The following PIK3R1 variants were observed in gnomAD, a reference collection of about 807,000 sequenced individuals.
PIK3R1 encodes phosphatidylinositol 3-kinase regulatory subunit alpha.
In PIK3R1, 29 loss-of-function variants were observed where a neutral mutation model predicts 98.0. That is an observed-to-expected ratio of 0.30 (90% CI 0.22 to 0.40). The LOEUF (loss-of-function observed/expected upper bound fraction) is 0.40. PIK3R1 is among the 10% of genes least tolerant of loss of function. PIK3R1 has a pLI of 1.00. For missense variants in PIK3R1, 596 were observed against 872.7 expected, an observed-to-expected ratio of 0.68 and a Z score of 3.99; for synonymous variants, 282 against 311.8, an observed-to-expected ratio of 0.90 and a Z score of 1.01.
At position 68,297,623 on chromosome 5, in the gene PIK3R1, C is replaced by CTCCTGAAGTTCAGCCACCCTG; in HGVS notation, c.*23_*43dup. 3 of 1,607,380 alleles carry CTCCTGAAGTTCAGCCACCCTG rather than the reference C, an allele frequency of 1.9e-6. No homozygotes were observed. Among genetic ancestry groups the CTCCTGAAGTTCAGCCACCCTG allele is most frequent in the Non-Finnish European group, 2.6e-6 (3 of 1,175,738 alleles). ...ATGAAGCGCTTACTCTTTGATCCTT[C>CTCCTGAAGTTCAGCCACCCTG]TCCTGAAGTTCAGCCACCCTGAGGC... On this transcript the variant is annotated 3_prime_UTR_variant, in exon 16 of 16. Coordinates refer to ENST00000521381, the MANE Select transcript of PIK3R1 (RefSeq NM_181523.3).
intron 14 of PIK3R1, 61 bp downstream of exon 14, chr5:68,295,549 A>G: frequency 2.9e-6 from 4 of 1,391,320 alleles, no homozygotes; most frequent in Non-Finnish European, 4.1e-6. Context: ...AAAATGCATG[A>G]CTTGCTTTGT....
chr5:68,236,643 A>T (rs1423961631), intron 2 of PIK3R1, among the ~76,000 whole-genome samples: 1 of 152,234 alleles, frequency 6.6e-6, no homozygotes, highest in Non-Finnish European at 1.5e-5. Context: ...GTGATGGCAC[A>T]TTGATAAGAT....
At chr5:68,254,291 T>C (rs1399809440) in intron 2 of PIK3R1, among the ~76,000 whole-genome samples, 1 of 152,218 alleles carries the variant, frequency 6.6e-6, no homozygotes, top group Non-Finnish European at 1.5e-5. Context: ...TCAAGCCCCT[T>C]CTCTTGTTCT....
rs531359666 is a variant in PIK3R1, at chr5:68,294,966, T to TA, written c.1569-175dup. On this transcript the variant is annotated intron_variant, in intron 12 of 15. Transcript: ENST00000521381. ...CCTAAAACTTAAAGTATAATAAAAA[T>TA]AAAAAAATAAAATAAAATAAAATAT... 6.9e-5 allele frequency among the ~76,000 whole-genome samples: 4 copies of TA among 57,640 alleles called. No individual in the cohort carries two copies. The East Asian group carries it at 1.9e-3, about 27-fold the overall frequency. The allele number at this position is 57,640 out of a possible 152,430, so 37.8% of individuals were successfully genotyped here.
At chr5:68,232,578 C>T (rs141982145) in intron 2 of PIK3R1, among the ~76,000 whole-genome samples, 2 of 152,258 alleles carry the variant, frequency 1.3e-5, no homozygotes, top group East Asian at 3.9e-4. Context: ...CCTAGAGCTG[C>T]GGTGACAGTT....
intron 7 of PIK3R1, among the ~76,000 whole-genome samples, chr5:68,289,161 C>G (rs554521544): frequency 6.6e-6 from 1 of 152,296 alleles, no homozygotes; most frequent in East Asian, 1.9e-4. Context: ...GCTCGGAGAA[C>G]TTGTCTCCTT....
At chr5:68,291,836 T>C (rs1747410740) in intron 7 of PIK3R1, 1 of 154,836 alleles carries the variant, frequency 6.5e-6, no homozygotes, top group Non-Finnish European at 1.4e-5. Flanking sequence ...AAATTTGTCT[T>C]TCGTAATTAA....
intron 2 of PIK3R1, among the ~76,000 whole-genome samples, chr5:68,228,387 A>C (rs919223697): frequency 2.0e-5 from 3 of 152,170 alleles, no homozygotes; most frequent in Non-Finnish European, 2.9e-5. Context: ...TCTTTCCCAT[A>C]CCCAGCCCAA....
rs1747804379 is a variant in PIK3R1, at chr5:68,297,638, C to T, written c.*37C>T. 6.4e-7 allele frequency: 1 copy of T among 1,573,624 alleles called. No individual in the cohort carries two copies. The highest frequency in any genetic ancestry group is 2.2e-5 in the East Asian group (1 of 44,670). On this transcript the variant is annotated 3_prime_UTR_variant, in exon 16 of 16. Coordinates refer to ENST00000521381, the MANE Select transcript of PIK3R1 (RefSeq NM_181523.3). ...TTTGATCCTTCTCCTGAAGTTCAGC[C>T]ACCCTGAGGCCTCTGGAAAGCAAAG...
At chr5:68,276,886 CTG>C (rs1476858193) in intron 4 of PIK3R1, among the ~76,000 whole-genome samples, 5 of 152,188 alleles carry the variant, frequency 3.3e-5, no homozygotes, top group African/African-American at 1.2e-4. Context: ...GTGCTGGACA[CTG>C]AGGGATGCCA....
rs531318827 is a variant in PIK3R1, at chr5:68,301,342, C to CTATATATATATATATATATATATATA, written c.*3766_*3767insATATATATATATATATATATATATAT. The CTATATATATATATATATATATATATA allele has an allele frequency of 9.4e-5, 5 of 53,226 alleles. No homozygotes were observed. 3.3% of individuals were successfully genotyped at this position (53,226 alleles called of 1,614,324 possible). On this transcript the variant is annotated 3_prime_UTR_variant, in exon 16 of 16. Transcript: ENST00000521381. ...ATAGCATTAGCTGCCCAGGATGCTG[C>CTATATATATATATATATATATATATA]TATATATATATATATATATATATAT...
At chr5:68,236,776 G>C (rs541221086) in intron 2 of PIK3R1, among the ~76,000 whole-genome samples, 1 of 152,102 alleles carries the variant, frequency 6.6e-6, no homozygotes, top group Non-Finnish European at 1.5e-5. Context: ...TTATCTGTTA[G>C]GTTTCACTAG....
At chr5:68,259,485 CAG>C (rs1000828503) in intron 2 of PIK3R1, among the ~76,000 whole-genome samples, 3 of 152,180 alleles carry the variant, frequency 2.0e-5, no homozygotes, top group African/African-American at 7.2e-5. Context: ...ACTATGGAAA[CAG>C]TGTATCTTCT....
At position 68,274,158 on chromosome 5, in the gene PIK3R1, C is replaced by G. The variant is rs1422120086; in HGVS notation, c.502+145C>G. The G allele has an allele frequency of 5.6e-6, 4 of 713,020 alleles. No homozygotes were observed. The African/African-American group carries it at 7.0e-5, about 13-fold the overall frequency. The allele number at this position is 713,020 out of a possible 1,614,324, so 44.2% of individuals were successfully genotyped here. A position where few individuals can be genotyped will look rare whatever the true frequency, so the allele number is the denominator to read the frequency against. On this transcript the variant is annotated intron_variant, in intron 4 of 15. Coordinates refer to ENST00000521381, the MANE Select transcript of PIK3R1 (RefSeq NM_181523.3). ...TCAAATCATGTACAGTTCTCCCTGC[C>G]CTGTTATGGTAACAGTGCAAACCTT...
intron 2 of PIK3R1, among the ~76,000 whole-genome samples, chr5:68,250,453 T>G (rs1362739311): frequency 6.6e-6 from 1 of 152,240 alleles, no homozygotes; most frequent in African/African-American, 2.4e-5. Context: ...ATTATTTCCA[T>G]TGGCCTTGAT....
intron 2 of PIK3R1, among the ~76,000 whole-genome samples, chr5:68,258,678 C>G (rs1030159910): frequency 1.3e-5 from 2 of 152,178 alleles, no homozygotes; most frequent in Non-Finnish European, 2.9e-5. Context: ...GAGAGGTGCA[C>G]AGACACTTTT....
rs147303522 is a variant in PIK3R1 at position 68,280,640 on chromosome 5, G to A, written c.747G>A (p.Lys249=). 5.0e-6 allele frequency: 8 copies of A among 1,613,902 alleles called. No homozygotes were observed. Among genetic ancestry groups the A allele is most frequent in the Non-Finnish European group, 6.8e-6 (8 of 1,179,946 alleles). ...AGTATTTGTTAAAACATTTCTTCAA[G>A]CTCTCTCAAACCTCCAGCAAAAATC... ...TLQYLLKHFF[K]LSQTSSKNLL... is the part of the protein sequence containing the mutation. Residue 249 remains lysine (K), a synonymous_variant, in exon 6 of 16, where the codon AAG becomes AAA. Transcript: ENST00000521381.
chr5:68,287,949 T>C (rs1747147586), intron 7 of PIK3R1, among the ~76,000 whole-genome samples: 1 of 152,196 alleles, frequency 6.6e-6, no homozygotes, highest in African/African-American at 2.4e-5. Flanking sequence ...TCACAAGGGC[T>C]TTCCTGTTAC....
At chr5:68,244,527 C>T (rs866382896) in intron 2 of PIK3R1, among the ~76,000 whole-genome samples, 1 of 43,016 alleles carries the variant, frequency 2.3e-5, no homozygotes, top group Non-Finnish European at 5.1e-5. Context: ...CCCCCCGCCC[C>T]CCGCCGCCGC....
Sources: allele counts gnomAD v4.1 joint callset (sites outside exome capture counted in the v4.1 genomes callset), GRCh38; gene constraint gnomAD v4.1.1; transcripts MANE v1.5; gene names NCBI Gene and HGNC (gene_info 2026-07-23, HGNC 2026-07-21).